The following ATP8B1 variants were observed in gnomAD, a reference collection of about 807,000 sequenced individuals.
ATP8B1 encodes ATPase phospholipid transporting 8B1.
Under a neutral mutation model 149.9 loss-of-function variants are expected in ATP8B1, and 80 were observed. The observed-to-expected ratio is 0.53, with a 90% CI of 0.45 to 0.64. The LOEUF (loss-of-function observed/expected upper bound fraction) is 0.64. Among genes scored for constraint, ATP8B1 ranks in the 30% least tolerant of loss-of-function variants. The pLI, the probability that ATP8B1 is intolerant of heterozygous loss-of-function variation, is 0.00. For synonymous variants in ATP8B1, 536 were observed against 562.8 expected, an observed-to-expected ratio of 0.95 and a Z score of 0.67; for missense variants, 1,247 against 1,552.6, an observed-to-expected ratio of 0.80 and a Z score of 3.31.
intron 1 of ATP8B1, among the ~76,000 whole-genome samples, chr18:57,752,864 A>G (rs2123273340): frequency 6.6e-6 from 1 of 152,350 alleles, no homozygotes; most frequent in African/African-American, 2.4e-5. Context: ...TAGAACTTTC[A>G]TAAAGAACTA....
intron 1 of ATP8B1, among the ~76,000 whole-genome samples, chr18:57,794,505 A>T (rs1375183570): frequency 1.3e-5 from 2 of 149,168 alleles, no homozygotes; most frequent in Non-Finnish European, 3.0e-5. Context: ...ATGGAATGTC[A>T]TCTCTGGAAG....
At chr18:57,669,574 A>G (rs1911104322) in intron 17 of ATP8B1, 92 bp from the exon 18 acceptor site, 1 of 1,158,866 alleles carries the variant, frequency 8.6e-7, no homozygotes. Context: ...TTGAAGTAAT[A>G]TACTAACAGA....
chr18:57,704,229 A>G (rs1384978422), intron 4 of ATP8B1, among the ~76,000 whole-genome samples: 3 of 152,164 alleles, frequency 2.0e-5, no homozygotes, highest in Admixed American at 1.3e-4. Context: ...CGGCCTCCCA[A>G]AGTGCTGGGA....
chr18:57,709,986 T>C (rs1913611071), intron 2 of ATP8B1, among the ~76,000 whole-genome samples: 2 of 147,212 alleles, frequency 1.4e-5, no homozygotes, highest in Admixed American at 1.4e-4. Flanking sequence ...GGCCACTTTT[T>C]CTTTTCTTTT....
rs9754818 is a variant in ATP8B1, at chr18:57,719,884, C to T, written c.181+11743G>A. Among the ~76,000 whole-genome samples the T allele has an allele frequency of 8.2e-4, 125 of 152,248 alleles. 3 individuals are homozygous for T. In the South Asian group the frequency reaches 0.021, roughly 26 times the overall value. On this transcript the variant is annotated intron_variant, in intron 2 of 27. Coordinates refer to ENST00000648908, the MANE Select transcript of ATP8B1 (RefSeq NM_001374385.1). ...GAAGAGAGCAGTGGTTCTCCCAGCA[C>T]GCAGCTGGAGATCTGAGAACCAACA... is the stretch of plus-strand genomic sequence containing the variant.
At chr18:57,781,122 T>G (rs1197022847) in intron 1 of ATP8B1, among the ~76,000 whole-genome samples, 1 of 152,206 alleles carries the variant, frequency 6.6e-6, no homozygotes, top group Non-Finnish European at 1.5e-5. Context: ...AAGCATTAAA[T>G]GCTGATTGGT....
intron 1 of ATP8B1, among the ~76,000 whole-genome samples, chr18:57,783,581 A>C (rs1490794690): frequency 6.6e-6 from 1 of 152,202 alleles, no homozygotes; most frequent in African/African-American, 2.4e-5. Context: ...CATACCTGCA[A>C]TCCCAGCAAT....
chr18:57,794,109 G>A (rs1320710740), intron 1 of ATP8B1, among the ~76,000 whole-genome samples: 1 of 152,168 alleles, frequency 6.6e-6, no homozygotes, highest in Non-Finnish European at 1.5e-5. Context: ...GACACGTAGG[G>A]ATAGTAGTAT....
At chr18:57,672,896 A>G (rs1201502948) in intron 16 of ATP8B1, among the ~76,000 whole-genome samples, 1 of 36,830 alleles carries the variant, frequency 2.7e-5, no homozygotes, top group Non-Finnish European at 5.0e-5. Flanking sequence ...GTATATATAT[A>G]TATATATATA....
chr18:57,665,885 G>A lies in ATP8B1; in HGVS notation c.2285+1207C>T, dbSNP rs529489129. On this transcript the variant is annotated intron_variant, in intron 20 of 27. Transcript: ENST00000648908. ...TTTTTTAAAACCTAAAAGCACAAAG[G>A]GGCATGGCTTATGTACCTCTATTTG... Among the ~76,000 whole-genome samples the A allele has an allele frequency of 2.0e-5, 3 of 152,126 alleles. No individual in the cohort carries two copies. In the South Asian group the frequency reaches 6.2e-4, roughly 32 times the overall value.
intron 1 of ATP8B1, among the ~76,000 whole-genome samples, chr18:57,768,962 T>C (rs1292178800): frequency 6.6e-6 from 1 of 152,172 alleles, no homozygotes; most frequent in Non-Finnish European, 1.5e-5. Context: ...TTTACCAGCC[T>C]AGATAAACAG....
chr18:57,750,345 TGAAAAG>T (rs1158202252), intron 1 of ATP8B1, among the ~76,000 whole-genome samples: 1 of 152,244 alleles, frequency 6.6e-6, no homozygotes. Flanking sequence ...AGAAAATTAC[TGAAAAG>T]CCTTTAAATG....
chr18:57,773,164 TGCACTCCA>T (rs984814383), intron 1 of ATP8B1, among the ~76,000 whole-genome samples: 2 of 140,062 alleles, frequency 1.4e-5, no homozygotes, highest in African/African-American at 5.5e-5. Flanking sequence ...ATCACACCAT[TGCACTCCA>T]GCCTGGGTGA....
intron 1 of ATP8B1, among the ~76,000 whole-genome samples, chr18:57,764,756 TCAAA>T (rs375323814): frequency 2.1e-4 from 14 of 66,426 alleles, no homozygotes; most frequent in African/African-American, 5.3e-4. Flanking sequence ...CTTTCAGTTG[TCAAA>T]AAAAAAAAAA....
chr18:57,682,309 G>A (rs533734553), intron 15 of ATP8B1, among the ~76,000 whole-genome samples: 1 of 152,244 alleles, frequency 6.6e-6, no homozygotes, highest in Non-Finnish European at 1.5e-5. Flanking sequence ...CAGCCCTGCT[G>A]GAAGGAACTT....
At chr18:57,770,784 C>T (rs979667598) in intron 1 of ATP8B1, among the ~76,000 whole-genome samples, 2 of 152,178 alleles carry the variant, frequency 1.3e-5, no homozygotes. Flanking sequence ...GTCAACATGC[C>T]CCAATGTTAA....
chr18:57,652,881 T>C (rs952175359), intron 24 of ATP8B1, 152 bp from the exon 25 acceptor site: 1 of 964,460 alleles, frequency 1.0e-6, no homozygotes, highest in Non-Finnish European at 1.6e-6. Flanking sequence ...CCTGCAATAT[T>C]TGTGGTGTGC....
chr18:57,791,235 C>A lies in ATP8B1; in HGVS notation c.-26+11763G>T, dbSNP rs371487600. Among the ~76,000 whole-genome samples the A allele has an allele frequency of 3.3e-5, 5 of 151,988 alleles. No homozygotes were observed. The East Asian group carries it at 7.7e-4, about 23-fold the overall frequency. On this transcript the variant is annotated intron_variant, in intron 1 of 27. Coordinates refer to ENST00000648908, the MANE Select transcript of ATP8B1 (RefSeq NM_001374385.1). Reference sequence around the variant, plus strand: ...TGGGCACTTCATATAAGTGGAATCACAAAATATTTGTTTGTCCTTTTGCAT... The same window carrying A: ...TGGGCACTTCATATAAGTGGAATCAAAAAATATTTGTTTGTCCTTTTGCAT...
chr18:57,691,028 A>T (rs1912500470), intron 12 of ATP8B1, among the ~76,000 whole-genome samples: 1 of 152,118 alleles, frequency 6.6e-6, no homozygotes, highest in African/African-American at 2.4e-5. Flanking sequence ...ACAAAAAAGT[A>T]GCCAGACATG....
Sources: gnomAD v4.1 joint callset for allele counts (sites outside exome capture counted in the v4.1 genomes callset) on GRCh38, gnomAD v4.1.1 for gene constraint, MANE v1.5 for transcripts, NCBI Gene and HGNC (gene_info 2026-07-23, HGNC 2026-07-21) for gene names.